SULF1: variants seen among roughly 807,000 people sequenced by gnomAD.
SULF1 encodes extracellular sulfatase Sulf-1.
In SULF1, 46 loss-of-function variants were observed where a neutral mutation model predicts 110.5. The observed-to-expected ratio is 0.42, with a 90% CI of 0.33 to 0.53. The LOEUF is 0.53. Ranked by LOEUF, SULF1 falls within the 20% of genes least tolerant of loss-of-function variation. SULF1 has a pLI of 0.12. For synonymous variants in SULF1, 371 were observed against 387.1 expected, an observed-to-expected ratio of 0.96 and a Z score of 0.49; for missense variants, 941 against 1,094.2, an observed-to-expected ratio of 0.86 and a Z score of 1.98.
intron 3 of SULF1, among the ~76,000 whole-genome samples, chr8:69,523,626 G>A (rs1812467863): frequency 6.6e-6 from 1 of 152,032 alleles, no homozygotes; most frequent in Non-Finnish European, 1.5e-5. Context: ...GAGGGGGAAG[G>A]AGGTTGAGAA....
chr8:69,656,481 C>A (rs1481177678), intron 22 of SULF1, among the ~76,000 whole-genome samples: 3 of 152,142 alleles, frequency 2.0e-5, no homozygotes, highest in African/African-American at 7.2e-5. Flanking sequence ...TCCCAACAAC[C>A]CCACAACAAG....
At chr8:69,583,499 A>C (rs1806231799) in intron 6 of SULF1, among the ~76,000 whole-genome samples, 1 of 150,266 alleles carries the variant, frequency 6.7e-6, no homozygotes, top group African/African-American at 2.5e-5. Flanking sequence ...GCTTGAACCC[A>C]AGAGGCAGAG....
Position 69,576,142 on chromosome 8 carries a change from C to A in SULF1, c.345C>A (p.Pro115=). The change falls in exon 6 of 23, where the codon CCC becomes CCA. Residue 115 remains proline, a synonymous_variant. Coordinates refer to ENST00000402687, the MANE Select transcript of SULF1 (RefSeq NM_001128205.2). Reference sequence around the variant, plus strand: ...CCAACAACGAGAACTGCTCTTCCCCCTCGTGGCAGGCCATGCATGAGCCTC... The same window carrying A: ...CCAACAACGAGAACTGCTCTTCCCCATCGTGGCAGGCCATGCATGAGCCTC... The part of the protein sequence containing the change: ...VYTNNENCSS[P]SWQAMHEPRT... 6.2e-7 allele frequency: 1 copy of A among 1,614,194 alleles called. No homozygotes were observed. Among genetic ancestry groups the A allele is most frequent in the Non-Finnish European group, 8.5e-7 (1 of 1,180,022 alleles).
At chr8:69,548,472 G>C (rs866364316) in intron 3 of SULF1, among the ~76,000 whole-genome samples, 2 of 147,664 alleles carry the variant, frequency 1.4e-5, no homozygotes, top group African/African-American at 5.0e-5. Context: ...TTTTGATGGA[G>C]TCTCACTCTG....
intron 8 of SULF1, chr8:69,597,616 G>C (rs1253837269): frequency 6.6e-6 from 1 of 152,168 alleles, no homozygotes; most frequent in East Asian, 1.9e-4. Context: ...TCCTCCAAGT[G>C]GGGTGGAGCT....
At chr8:69,632,141 A>C (rs1810608459) in intron 19 of SULF1, among the ~76,000 whole-genome samples, 1 of 152,198 alleles carries the variant, frequency 6.6e-6, no homozygotes, top group Non-Finnish European at 1.5e-5. Flanking sequence ...ACTGGGTGTC[A>C]CTGTGCTGGT....
At chr8:69,480,894 G>C (rs939687052) in intron 1 of SULF1, among the ~76,000 whole-genome samples, 11 of 142,820 alleles carry the variant, frequency 7.7e-5, no homozygotes, top group African/African-American at 2.8e-4. Flanking sequence ...GTTGTGGGAT[G>C]GGGGAGGGGG....
intron 3 of SULF1, among the ~76,000 whole-genome samples, chr8:69,535,165 G>A (rs959713884): frequency 6.6e-6 from 1 of 152,166 alleles, no homozygotes; most frequent in African/African-American, 2.4e-5. Flanking sequence ...TCCCTATCTC[G>A]CTTGGCTTTG....
chr8:69,556,480 C>T (rs1047728294), intron 3 of SULF1, among the ~76,000 whole-genome samples: 5 of 152,226 alleles, frequency 3.3e-5, no homozygotes, highest in African/African-American at 1.2e-4. Flanking sequence ...GCAGAGTTCT[C>T]TGCCATTCTA....
chr8:69,499,747 CATTATT>C, intron 2 of SULF1, among the ~76,000 whole-genome samples: 1 of 152,264 alleles, frequency 6.6e-6, no homozygotes, highest in South Asian at 2.1e-4. Flanking sequence ...TTATACCACA[CATTATT>C]ATTATTTATT....
intron 1 of SULF1, among the ~76,000 whole-genome samples, chr8:69,475,164 C>G (rs550739274): frequency 6.6e-6 from 1 of 152,244 alleles, no homozygotes; most frequent in South Asian, 2.1e-4. Context: ...TCTCTTGCCT[C>G]TGCTCTGTGC....
At chr8:69,499,871 T>G (rs1464591391) in intron 2 of SULF1, among the ~76,000 whole-genome samples, 1 of 152,114 alleles carries the variant, frequency 6.6e-6, no homozygotes, top group African/African-American at 2.4e-5. Flanking sequence ...CGCCTCAGCC[T>G]CCCAAGTAGC....
intron 3 of SULF1, among the ~76,000 whole-genome samples, chr8:69,539,229 C>G (rs1317901556): frequency 6.6e-6 from 1 of 152,052 alleles, no homozygotes; most frequent in Non-Finnish European, 1.5e-5. Flanking sequence ...TGAGAAATGG[C>G]TTTTAGACTG....
At chr8:69,583,552 C>T (rs1806237230) in intron 6 of SULF1, among the ~76,000 whole-genome samples, 1 of 152,044 alleles carries the variant, frequency 6.6e-6, no homozygotes, top group South Asian at 2.1e-4. Context: ...CTAGCCTGGG[C>T]AACAGGGTAA....
At chr8:69,493,703 A>G (rs1810114257) in intron 1 of SULF1, among the ~76,000 whole-genome samples, 2 of 152,226 alleles carry the variant, frequency 1.3e-5, no homozygotes, top group Non-Finnish European at 1.5e-5. Context: ...AAAACACTGT[A>G]GCTATAGTGG....
intron 3 of SULF1, among the ~76,000 whole-genome samples, chr8:69,536,824 G>T (rs1336123103): frequency 6.6e-6 from 1 of 152,150 alleles, no homozygotes; most frequent in Non-Finnish European, 1.5e-5. Flanking sequence ...AGTGGTAACT[G>T]CCAGGAAGTC....
Position 69,648,044 on chromosome 8 carries a change from C to T in SULF1, c.2585+7203C>T, listed in dbSNP as rs145504670. ...AAATTTCAAAGCCTAAATCAAATTC[C>T]ATTTCAAGCTAAAACATATTATGTT... On this transcript the variant is annotated intron_variant, in intron 22 of 22. Transcript: ENST00000402687. Among the ~76,000 whole-genome samples the T allele has an allele frequency of 3.8e-3, 576 of 151,176 alleles. 4 individuals are homozygous for T. The highest frequency in any genetic ancestry group is 0.017 in the South Asian group (80 of 4,756).
intron 5 of SULF1, among the ~76,000 whole-genome samples, chr8:69,568,808 C>T (rs897934332): frequency 1.3e-5 from 2 of 152,078 alleles, no homozygotes; most frequent in Non-Finnish European, 2.9e-5. Flanking sequence ...ATAATGGCTA[C>T]CACTGGGGAA....
chr8:69,605,052 G>C lies in SULF1; in HGVS notation c.1377+120G>C. ...TAAATAAGCTTTTCCTAGTGGCCTT[G>C]AGGGCAAGCTCACTGAGACACCTCT... is the stretch of plus-strand genomic sequence containing the variant. On this transcript the variant is annotated intron_variant, in intron 13 of 22. Transcript: ENST00000402687. 2.1e-6 allele frequency: 3 copies of C among 1,400,148 alleles called. No homozygotes were observed. The East Asian group carries it at 7.2e-5, about 34-fold the overall frequency. 86.7% of individuals were successfully genotyped at this position (1,400,148 alleles called of 1,614,324 possible).
Sources: gnomAD v4.1 joint callset for allele counts (sites outside exome capture counted in the v4.1 genomes callset) on GRCh38, gnomAD v4.1.1 for gene constraint, MANE v1.5 for transcripts, NCBI Gene and HGNC (gene_info 2026-07-23, HGNC 2026-07-21) for gene names.